SMYD2: variants seen among roughly 807,000 people sequenced by gnomAD.
SMYD2 encodes N-lysine methyltransferase SMYD2.
In SMYD2, 53 loss-of-function variants were observed where a neutral mutation model predicts 59.1. That is an observed-to-expected ratio of 0.90 (90% CI 0.72 to 1.13). The LOEUF (loss-of-function observed/expected upper bound fraction) is 1.13. Ranked by LOEUF, SMYD2 falls within the 50% of genes most tolerant of loss-of-function variation. The probability of loss-of-function intolerance (pLI) is 0.00; values close to 1 mark genes in which losing one functional copy is unlikely to be tolerated. For synonymous variants in SMYD2, 208 were observed against 198.8 expected, an observed-to-expected ratio of 1.05 and a Z score of -0.39; for missense variants, 494 against 544.7, an observed-to-expected ratio of 0.91 and a Z score of 0.93.
intron 1 of SMYD2, among the ~76,000 whole-genome samples, chr1:214,290,247 T>C (rs1391696906): frequency 2.0e-5 from 3 of 152,234 alleles, no homozygotes; most frequent in East Asian, 1.9e-4. Flanking sequence ...AAACAACTTA[T>C]CTTTCTAGTC....
chr1:214,281,200 A>G lies in SMYD2; in HGVS notation c.-55A>G. On this transcript the variant is annotated 5_prime_UTR_variant, in exon 1 of 12. Coordinates refer to ENST00000366957, the MANE Select transcript of SMYD2 (RefSeq NM_020197.3). ...CTCTAGGTGACGCGTCTCCAATAACAGCTCGCCGGGAGCCGCAGCTCGGGC... is the reference window on the plus strand; with the variant it reads ...CTCTAGGTGACGCGTCTCCAATAACGGCTCGCCGGGAGCCGCAGCTCGGGC... 1 of 1,200,126 alleles carries G rather than the reference A, an allele frequency of 8.3e-7. No individual in the cohort carries two copies. Among genetic ancestry groups the G allele is most frequent in the Non-Finnish European group, 1.0e-6 (1 of 961,986 alleles). 74.3% of individuals were successfully genotyped at this position (1,200,126 alleles called of 1,614,324 possible). A position where few individuals can be genotyped will look rare whatever the true frequency, so the allele number is the denominator to read the frequency against.
chr1:214,298,771 A>C (rs12081918), intron 1 of SMYD2, among the ~76,000 whole-genome samples: 41,042 of 152,154 alleles, frequency 0.27, 5,839 homozygotes, highest in East Asian at 0.47. Context: ...AATGTTCAAC[A>C]TCACTAATCA....
chr1:214,304,558 C>CAAAAAAAAAAAAAAA (rs56254326), intron 1 of SMYD2, among the ~76,000 whole-genome samples: 1 of 48,024 alleles, frequency 2.1e-5, no homozygotes, highest in African/African-American at 8.9e-5. Flanking sequence ...GACCCTATCT[C>CAAAAAAAAAAAAAAA]AAAAAAAAAA....
intron 1 of SMYD2, among the ~76,000 whole-genome samples, chr1:214,294,251 T>C (rs982837272): frequency 5.3e-5 from 8 of 152,222 alleles, no homozygotes; most frequent in African/African-American, 1.9e-4. Context: ...AAGTCCACAA[T>C]TCGGGGTAAT....
chr1:214,305,428 C>T (rs1656900413), intron 2 of SMYD2, among the ~76,000 whole-genome samples, 178 bp downstream of exon 2: 1 of 152,112 alleles, frequency 6.6e-6, no homozygotes, highest in African/African-American at 2.4e-5. Flanking sequence ...GGCAGTAAAC[C>T]GTTTGAGGCC....
intron 2 of SMYD2, among the ~76,000 whole-genome samples, chr1:214,307,017 A>G (rs566061983): frequency 6.6e-6 from 1 of 152,270 alleles, no homozygotes; most frequent in South Asian, 2.1e-4. Flanking sequence ...CTAAAAATAG[A>G]AAAAAATTAG....
intron 5 of SMYD2, among the ~76,000 whole-genome samples, chr1:214,320,111 C>A (rs1657146958): frequency 6.6e-6 from 1 of 152,146 alleles, no homozygotes; most frequent in Non-Finnish European, 1.5e-5. Context: ...AAAGGAAATA[C>A]TATAAATGGC....
chr1:214,293,251 A>G (rs1056070073), intron 1 of SMYD2, among the ~76,000 whole-genome samples: 4 of 152,068 alleles, frequency 2.6e-5, no homozygotes, highest in African/African-American at 9.6e-5. Context: ...ATGGGGTTTC[A>G]CCATGTTGGC....
intron 1 of SMYD2, among the ~76,000 whole-genome samples, chr1:214,286,705 T>C (rs958055708): frequency 1.4e-5 from 2 of 139,996 alleles, no homozygotes; most frequent in Non-Finnish European, 3.0e-5. Flanking sequence ...GAGGCAGAGG[T>C]TGCAGTGAGC....
intron 9 of SMYD2, chr1:214,331,362 T>G (rs1210485607): frequency 3.0e-6 from 1 of 331,958 alleles, no homozygotes; most frequent in African/African-American, 2.1e-5. Context: ...TATTTTACTT[T>G]GGGCAGGGCA....
chr1:214,297,950 C>T (rs1233712737), intron 1 of SMYD2, among the ~76,000 whole-genome samples: 2 of 151,966 alleles, frequency 1.3e-5, no homozygotes, highest in Non-Finnish European at 2.9e-5. Context: ...ATTGGAAGAA[C>T]CAATATTGTT....
chr1:214,329,227 G>A (rs530092135), intron 7 of SMYD2, among the ~76,000 whole-genome samples: 19 of 152,160 alleles, frequency 1.2e-4, no homozygotes, highest in African/African-American at 4.1e-4. Flanking sequence ...CCAGGGTTTC[G>A]GGGTGAGCTG....
chr1:214,308,131 T>G (rs1439720553), intron 2 of SMYD2, among the ~76,000 whole-genome samples: 2 of 152,240 alleles, frequency 1.3e-5, no homozygotes, highest in Non-Finnish European at 2.9e-5. Flanking sequence ...GTAATTCTGC[T>G]TTCCTGTGCT....
intron 10 of SMYD2, 111 bp from the exon 11 acceptor site, chr1:214,334,089 G>A: frequency 2.3e-6 from 2 of 885,990 alleles, no homozygotes; most frequent in Non-Finnish European, 1.8e-6. Context: ...GAGGCCGCTG[G>A]TGGGCAGAGG....
chr1:214,284,417 C>T (rs2102450620), intron 1 of SMYD2, among the ~76,000 whole-genome samples: 1 of 151,834 alleles, frequency 6.6e-6, no homozygotes, highest in Non-Finnish European at 1.5e-5. Flanking sequence ...TGCGTCACCA[C>T]ACCTGGCTAA....
chr1:214,331,981 C>T (rs1455228037), intron 9 of SMYD2, 37 bp from the exon 10 acceptor site: 2 of 1,593,440 alleles, frequency 1.3e-6, no homozygotes, highest in African/African-American at 2.7e-5. Context: ...CTCCAGGCAG[C>T]TTGGGCCCGG....
intron 6 of SMYD2, 66 bp from the exon 7 acceptor site, chr1:214,327,556 A>G: frequency 7.9e-7 from 1 of 1,258,570 alleles, no homozygotes. Flanking sequence ...GCAAGTAAGT[A>G]GTGAAGGAAG....
chr1:214,321,531 A>C (rs1657172360), intron 5 of SMYD2, among the ~76,000 whole-genome samples: 1 of 152,214 alleles, frequency 6.6e-6, no homozygotes, highest in African/African-American at 2.4e-5. Flanking sequence ...GCCAGCAGCT[A>C]CGTGTCTGCT....
rs759676722 is a variant in SMYD2 at position 214,336,680 on chromosome 1, ATTGT to A, written c.1222-19_1222-16del. 3.1e-6 allele frequency: 5 copies of A among 1,611,090 alleles called. No individual in the cohort carries two copies. In the East Asian group the frequency reaches 6.7e-5, roughly 22 times the overall value. On this transcript the variant is annotated intron_variant, in intron 11 of 11. Transcript: ENST00000366957. The stretch of plus-strand genomic sequence containing the variant: ...TGAGGAGATTGGCTTCTAGGCTCTC[ATTGT>A]TTGTCTTGCTTTTTCCTAGGCCATT...
Sources: gnomAD v4.1 joint callset for allele counts (sites outside exome capture counted in the v4.1 genomes callset) on GRCh38, gnomAD v4.1.1 for gene constraint, MANE v1.5 for transcripts, NCBI Gene and HGNC (gene_info 2026-07-23, HGNC 2026-07-21) for gene names.